EPB41L4A: variants seen among roughly 807,000 people sequenced by gnomAD.
The protein encoded by EPB41L4A is band 4.1-like protein 4A.
EPB41L4A carries 100 observed loss-of-function variants against 108.6 expected under a neutral mutation model. The observed-to-expected ratio is 0.92, with a 90% CI of 0.78 to 1.09. EPB41L4A has a LOEUF of 1.09. EPB41L4A is among the 50% of genes least tolerant of loss of function. EPB41L4A has a pLI of 0.00. For synonymous variants in EPB41L4A, 319 were observed against 289.0 expected (o/e 1.10, Z -1.05); for missense variants, 1,030 against 842.7 (o/e 1.22, Z -2.75).
intron 1 of EPB41L4A, among the ~76,000 whole-genome samples, chr5:112,360,332 T>C (rs2150756911): frequency 6.6e-6 from 1 of 152,360 alleles, no homozygotes; most frequent in East Asian, 1.9e-4. Context: ...GAGCCCAGGC[T>C]GGACTGTACT....
intron 1 of EPB41L4A, among the ~76,000 whole-genome samples, chr5:112,409,008 C>T (rs1460486698): frequency 4.6e-5 from 7 of 152,062 alleles, no homozygotes; most frequent in African/African-American, 1.7e-4. Flanking sequence ...TGAGAACATA[C>T]ATCTATACAA....
chr5:112,354,815 G>C (rs1758269166), intron 1 of EPB41L4A, among the ~76,000 whole-genome samples: 1 of 152,094 alleles, frequency 6.6e-6, no homozygotes, highest in Admixed American at 6.5e-5. Flanking sequence ...TGTAGTCTTT[G>C]CAAACCATAT....
intron 9 of EPB41L4A, among the ~76,000 whole-genome samples, chr5:112,251,917 G>A (rs1388364234): frequency 1.3e-5 from 2 of 152,126 alleles, no homozygotes; most frequent in Admixed American, 6.6e-5. Context: ...CATAGTATTT[G>A]ACTCTTAGGC....
chr5:112,337,121 A>T (rs1051251787), intron 1 of EPB41L4A, among the ~76,000 whole-genome samples: 1 of 152,218 alleles, frequency 6.6e-6, no homozygotes, highest in Non-Finnish European at 1.5e-5. Flanking sequence ...GCAATATTTC[A>T]TCATTAATAC....
chr5:112,229,984 T>C (rs989249937), intron 12 of EPB41L4A, among the ~76,000 whole-genome samples: 3 of 127,586 alleles, frequency 2.4e-5, no homozygotes, highest in African/African-American at 8.2e-5. Context: ...CTAGACTCTG[T>C]CTCAAAAAAA....
downstream of EPB41L4A, among the ~76,000 whole-genome samples, chr5:112,142,127 G>A (rs1398087363): frequency 3.9e-5 from 6 of 152,106 alleles, no homozygotes; most frequent in East Asian, 1.2e-3. Context: ...GAGAAGGCTG[G>A]CTCTGGGATA....
At chr5:112,179,854 G>T (rs1165675841) in intron 18 of EPB41L4A, among the ~76,000 whole-genome samples, 4 of 152,088 alleles carry the variant, frequency 2.6e-5, no homozygotes, top group Non-Finnish European at 5.9e-5. Flanking sequence ...AAGACAGAAA[G>T]ACTAGAAATC....
At chr5:112,389,379 A>G (rs1466733360) in intron 1 of EPB41L4A, among the ~76,000 whole-genome samples, 1 of 152,234 alleles carries the variant, frequency 6.6e-6, no homozygotes. Context: ...AAATCAAAAC[A>G]GACTCATCCA....
chr5:112,410,837 A>G (rs1429837049), intron 1 of EPB41L4A, among the ~76,000 whole-genome samples: 1 of 152,158 alleles, frequency 6.6e-6, no homozygotes, highest in Non-Finnish European at 1.5e-5. Flanking sequence ...TGTCTCTATT[A>G]CTATCCTACA....
At chr5:112,344,184 T>A (rs879722899) in intron 1 of EPB41L4A, among the ~76,000 whole-genome samples, 2 of 152,204 alleles carry the variant, frequency 1.3e-5, no homozygotes, top group Non-Finnish European at 2.9e-5. Context: ...TTCAATATCA[T>A]AATCACTACC....
chr5:112,165,267 T>C, intron 22 of EPB41L4A, 149 bp from the exon 23 acceptor site: 1 of 616,094 alleles, frequency 1.6e-6, no homozygotes. Context: ...CAATAAATGT[T>C]CCCTCTAAAT....
At chr5:112,306,265 G>A (rs1030907109) in intron 2 of EPB41L4A, among the ~76,000 whole-genome samples, 2 of 151,996 alleles carry the variant, frequency 1.3e-5, no homozygotes, top group African/African-American at 4.8e-5. Context: ...TTTATTCATG[G>A]TCTGTACAAG....
chr5:112,303,552 G>C (rs1260409590), intron 2 of EPB41L4A, among the ~76,000 whole-genome samples: 1 of 152,010 alleles, frequency 6.6e-6, no homozygotes, highest in Non-Finnish European at 1.5e-5. Context: ...GACTGAACAG[G>C]AATAACTAGA....
intron 4 of EPB41L4A, among the ~76,000 whole-genome samples, chr5:112,272,967 C>G (rs192863929): frequency 6.6e-6 from 1 of 152,178 alleles, no homozygotes; most frequent in Admixed American, 6.5e-5. Context: ...GTACAATTTT[C>G]CAAAGAACTA....
At chr5:112,219,157 T>C (rs1034518526) in intron 12 of EPB41L4A, among the ~76,000 whole-genome samples, 1 of 152,216 alleles carries the variant, frequency 6.6e-6, no homozygotes, top group Non-Finnish European at 1.5e-5. Context: ...GGTTTGGCTG[T>C]GTCCCCAACT....
intron 12 of EPB41L4A, chr5:112,146,086 A>T: frequency 2.4e-6 from 1 of 420,916 alleles, no homozygotes; most frequent in Non-Finnish European, 4.7e-6. Flanking sequence ...GGGACTACTC[A>T]CCCATTCATC....
chr5:112,239,512 G>A (rs1209505245), intron 11 of EPB41L4A, 148 bp downstream of exon 11: 1 of 454,070 alleles, frequency 2.2e-6, no homozygotes, highest in Non-Finnish European at 3.9e-6. Flanking sequence ...TGTTGAGAAA[G>A]TTTTAATAAA....
At chr5:112,175,195 C>T (rs942654012) in intron 18 of EPB41L4A, 2 of 152,258 alleles carry the variant, frequency 1.3e-5, no homozygotes, top group South Asian at 2.1e-4. Flanking sequence ...GAGCCCGAAC[C>T]TTCTCTTGCA....
At chr5:112,229,176 C>A (rs139252925) in intron 12 of EPB41L4A, among the ~76,000 whole-genome samples, 1 of 152,068 alleles carries the variant, frequency 6.6e-6, no homozygotes, top group Non-Finnish European at 1.5e-5. Context: ...ACCCCCATCA[C>A]GACTTTTTAA....
Sources: allele counts gnomAD v4.1 joint callset (sites outside exome capture counted in the v4.1 genomes callset), GRCh38; gene constraint gnomAD v4.1.1; transcripts MANE v1.5; gene names NCBI Gene and HGNC (gene_info 2026-07-23, HGNC 2026-07-21).